The following KIAA0232 variants were observed in gnomAD, a reference collection of about 807,000 sequenced individuals.
KIAA0232 encodes KIAA0232.
In KIAA0232, 27 loss-of-function variants were observed where a neutral mutation model predicts 122.0. The observed-to-expected ratio is 0.22, with a 90% CI of 0.16 to 0.31. The LOEUF (loss-of-function observed/expected upper bound fraction) is 0.31. KIAA0232 is among the 10% of genes least tolerant of loss of function. The pLI is 1.00. For missense variants in KIAA0232, 1,551 were observed against 1,634.2 expected (o/e 0.95, Z 0.88); for synonymous variants, 613 against 587.6 (o/e 1.04, Z -0.63).
In KIAA0232 at chr4:6,855,082, T is replaced by C. The variant is rs1720500189; in HGVS notation, c.370-2082T>C. ...TCTCATGATTTTTTATTTTTTATTT[T>C]TTATTTTTTTTTATTTTTTTGAGAC... On this transcript the variant is annotated intron_variant, in intron 4 of 9. Transcript: ENST00000307659. The surrounding 1 kb of genome is among the most constrained non-coding windows in gnomAD (Gnocchi z 4.3). 6.6e-6 allele frequency among the ~76,000 whole-genome samples: 1 copy of C among 151,556 alleles called. No homozygotes were observed. Among genetic ancestry groups the C allele is most frequent in the South Asian group, 2.1e-4 (1 of 4,798 alleles).
In KIAA0232 at chr4:6,861,442, A is replaced by G. The variant is rs1285887270; in HGVS notation, c.1060A>G (p.Ser354Gly). Residue 354 changes from serine to glycine, a missense_variant, in exon 7 of 10, where the codon AGC becomes GGC. Transcript: ENST00000307659. The part of the protein sequence containing the change: ...RNIHTGSSSS[S>G]SSGSVKQLCK... ...CATTCATACTGGAAGTAGTAGCAGT[A>G]GCAGCAGTGGTTCTGTCAAACAGCT... 1 of 1,613,876 alleles carries G rather than the reference A, an allele frequency of 6.2e-7. No homozygotes were observed. Among genetic ancestry groups the G allele is most frequent in the East Asian group, 2.2e-5 (1 of 44,902 alleles).
rs766120373 is a variant in KIAA0232 at position 6,876,642 on chromosome 4, C to T, written c.3911-18C>T. Reference sequence around the variant, plus strand: ...TCCCCCTTTCCCTCTTTTCCCTTCTCCATTCCAAATGATTAAGAATGTTAC... The same window carrying T: ...TCCCCCTTTCCCTCTTTTCCCTTCTTCATTCCAAATGATTAAGAATGTTAC... On this transcript the variant is annotated intron_variant, in intron 8 of 9. Coordinates refer to ENST00000307659, the MANE Select transcript of KIAA0232 (RefSeq NM_014743.3). The T allele has an allele frequency of 6.7e-7, 1 of 1,498,390 alleles. No homozygotes were observed. Among genetic ancestry groups the T allele is most frequent in the South Asian group, 1.1e-5 (1 of 88,668 alleles). The allele number at this position is 1,498,390 out of a possible 1,614,324, so 92.8% of individuals were successfully genotyped here.
At chr4:6,878,854 C>T (rs1379914576) in intron 9 of KIAA0232, among the ~76,000 whole-genome samples, 1 of 152,218 alleles carries the variant, frequency 6.6e-6, no homozygotes, top group East Asian at 1.9e-4. Context: ...CCTGTAGCAT[C>T]ATCGTCCACG....
At position 6,855,881 on chromosome 4, in the gene KIAA0232, C is replaced by T; in HGVS notation, c.370-1283C>T. On this transcript the variant is annotated intron_variant, in intron 4 of 9. Transcript: ENST00000307659. This position sits in a 1 kb window ranked among gnomAD's most constrained non-coding sequence, Gnocchi z 4.3. ...AATGGAATATAATTGCCGTCCTTGT[C>T]ACACCTTGAGCATTATGGTAAGCAG... is the stretch of plus-strand genomic sequence containing the variant. The T allele has an allele frequency of 1.0e-6, 1 of 984,958 alleles. No individual in the cohort carries two copies. The highest frequency in any genetic ancestry group is 1.2e-6 in the Non-Finnish European group (1 of 829,534). The allele number at this position is 984,958 out of a possible 1,614,324, so 61.0% of individuals were successfully genotyped here.
At chr4:6,790,670 C>T (rs377303585) in intron 1 of KIAA0232, among the ~76,000 whole-genome samples, 4 of 152,090 alleles carry the variant, frequency 2.6e-5, no homozygotes, top group African/African-American at 9.6e-5. Context: ...TGGGTATGAG[C>T]CACCATGCCA....
intron 1 of KIAA0232, among the ~76,000 whole-genome samples, chr4:6,788,500 C>T: frequency 6.6e-6 from 1 of 152,106 alleles, no homozygotes; most frequent in East Asian, 1.9e-4. Context: ...TATTTTTCTC[C>T]CACACAGTGC....
chr4:6,786,919 A>C (rs1212411633), intron 1 of KIAA0232, among the ~76,000 whole-genome samples: 2 of 152,206 alleles, frequency 1.3e-5, no homozygotes, highest in East Asian at 3.8e-4. Context: ...GCGGTGGCTC[A>C]CGCCTGTAAT....
intron 7 of KIAA0232, among the ~76,000 whole-genome samples, chr4:6,869,470 G>A (rs1721354619): frequency 6.6e-6 from 1 of 152,220 alleles, no homozygotes. Context: ...GCAGGGAATT[G>A]CATGACAGGT....
At chr4:6,818,685 CTAA>C (rs1376352599) in intron 2 of KIAA0232, among the ~76,000 whole-genome samples, 2 of 151,510 alleles carry the variant, frequency 1.3e-5, no homozygotes, top group African/African-American at 4.9e-5. Context: ...CATCAAACTA[CTAA>C]TGTCATTTTT....
intron 1 of KIAA0232, among the ~76,000 whole-genome samples, chr4:6,783,811 C>T (rs1319019677): frequency 2.0e-5 from 3 of 152,170 alleles, no homozygotes; most frequent in Non-Finnish European, 2.9e-5. Context: ...AACCCTGTCG[C>T]GAGGGCGCCC....
At chr4:6,874,867 C>CAT (rs1721668862) in intron 8 of KIAA0232, among the ~76,000 whole-genome samples, 1 of 151,798 alleles carries the variant, frequency 6.6e-6, no homozygotes, top group South Asian at 2.1e-4. Context: ...TTCAGCATCA[C>CAT]CTTTTCCAAA....
chr4:6,793,503 A>G (rs566725532), intron 1 of KIAA0232, among the ~76,000 whole-genome samples: 9 of 152,246 alleles, frequency 5.9e-5, no homozygotes, highest in Non-Finnish European at 8.8e-5. Context: ...TAAGATAGCT[A>G]TCTCTGAGAT....
At chr4:6,820,570 A>AT (rs1311257787) in intron 2 of KIAA0232, among the ~76,000 whole-genome samples, 6 of 152,202 alleles carry the variant, frequency 3.9e-5, no homozygotes, top group Admixed American at 1.3e-4. Context: ...AGAACTTAAT[A>AT]ATAGTATTCT....
intron 9 of KIAA0232, among the ~76,000 whole-genome samples, chr4:6,878,378 T>TACA (rs1168871268): frequency 1.2e-4 from 14 of 120,792 alleles, no homozygotes; most frequent in African/African-American, 1.6e-4. Flanking sequence ...CCATCATTCA[T>TACA]TCATACATAC....
chr4:6,853,571 T>A (rs908548256), intron 4 of KIAA0232, among the ~76,000 whole-genome samples: 1 of 152,126 alleles, frequency 6.6e-6, no homozygotes, highest in Admixed American at 6.5e-5. Context: ...TAACACTGAG[T>A]ATCATGTAGG....
intron 1 of KIAA0232, among the ~76,000 whole-genome samples, chr4:6,802,846 GAA>G (rs771763614): frequency 2.4e-4 from 36 of 152,078 alleles, no homozygotes; most frequent in Non-Finnish European, 4.7e-4. Flanking sequence ...AAGGTTGAAA[GAA>G]GAGTAATAGT....
At chr4:6,817,815 C>T (rs1413623066) in intron 2 of KIAA0232, among the ~76,000 whole-genome samples, 3 of 152,082 alleles carry the variant, frequency 2.0e-5, no homozygotes, top group African/African-American at 7.2e-5. Context: ...CTTTGCAGTT[C>T]TACCAATTTT....
intron 2 of KIAA0232, among the ~76,000 whole-genome samples, chr4:6,819,397 T>TA (rs1267083018): frequency 6.6e-6 from 1 of 151,736 alleles, no homozygotes; most frequent in African/African-American, 2.4e-5. Context: ...ATTGGAAACT[T>TA]AAACAGTTCA....
In KIAA0232 at chr4:6,863,350, T is replaced by G. The variant is rs755753009; in HGVS notation, c.2968T>G (p.Trp990Gly). 2.5e-6 allele frequency: 4 copies of G among 1,614,184 alleles called. No homozygotes were observed. In the South Asian group the frequency reaches 3.3e-5, roughly 13 times the overall value. ...NSFAPGHRQL[W>G]KPFVSFEQND... is the part of the protein sequence containing the mutation. Reference sequence around the variant, plus strand: ...TTTTGCTCCTGGGCACAGGCAGTTATGGAAACCCTTCGTGTCATTTGAACA... The same window carrying G: ...TTTTGCTCCTGGGCACAGGCAGTTAGGGAAACCCTTCGTGTCATTTGAACA... The change falls in exon 7 of 10, where the codon TGG (tryptophan) becomes GGG (glycine). Residue 990 changes from tryptophan (W) to glycine (G), a missense_variant. Trp to Gly is a radical substitution (Grantham distance 184, BLOSUM62 -2). Transcript: ENST00000307659.
Sources: allele counts gnomAD v4.1 joint callset (sites outside exome capture counted in the v4.1 genomes callset), GRCh38; gene constraint gnomAD v4.1.1; non-coding constraint Gnocchi (gnomAD v3.1); transcripts MANE v1.5; gene names NCBI Gene and HGNC (gene_info 2026-07-23, HGNC 2026-07-21).